ANXA6: variants seen among roughly 807,000 people sequenced by gnomAD.
ANXA6 encodes 67 kDa calelectrin.
A neutral mutation model predicts 95.4 loss-of-function variants in ANXA6; 71 were observed. That is an observed-to-expected ratio of 0.74 (90% confidence interval 0.61 to 0.91). The LOEUF (loss-of-function observed/expected upper bound fraction) is 0.91. Ranked by LOEUF, ANXA6 falls within the 40% of genes least tolerant of loss-of-function variation. The probability of loss-of-function intolerance (pLI) is 0.00; values close to 1 mark genes in which losing one functional copy is unlikely to be tolerated. For synonymous variants in ANXA6, 289 were observed against 315.9 expected, an observed-to-expected ratio of 0.91 and a Z score of 0.90; for missense variants, 830 against 876.4, an observed-to-expected ratio of 0.95 and a Z score of 0.67.
At chr5:151,134,356 CA>C in intron 8 of ANXA6, 70 bp downstream of exon 8, 3 of 1,521,062 alleles carry the variant, frequency 2.0e-6, no homozygotes. Flanking sequence ...CAGCCCTTCC[CA>C]GGGCCCCAAC....
intron 6 of ANXA6, 64 bp from the exon 7 acceptor site, chr5:151,136,399 C>T: frequency 2.8e-6 from 4 of 1,444,054 alleles, no homozygotes; most frequent in Non-Finnish European, 3.9e-6. Flanking sequence ...GGATAAAGGG[C>T]CCTGCTGCCC....
chr5:151,137,648 T>C (rs1765706320), intron 5 of ANXA6, among the ~76,000 whole-genome samples: 1 of 152,178 alleles, frequency 6.6e-6, no homozygotes, highest in African/African-American at 2.4e-5. Context: ...TCGTAAGTTC[T>C]TGTGAGATCT....
In ANXA6 at chr5:151,100,854, T is replaced by G. The variant is rs973352923; in HGVS notation, c.*594A>C. 2.9e-5 allele frequency: 13 copies of G among 455,830 alleles called. No homozygotes were observed. The East Asian group carries it at 7.7e-4, about 27-fold the overall frequency. The allele number at this position is 455,830 out of a possible 1,614,324, so 28.2% of individuals were successfully genotyped here. A position where few individuals can be genotyped will look rare whatever the true frequency, so the allele number is the denominator to read the frequency against. ...AACTGTCTCATTGTAGATAAGAAAA[T>G]AGAGACTCAGGGAGGGAAAGGGGCT... On this transcript the variant is annotated 3_prime_UTR_variant, in exon 26 of 26. Coordinates refer to ENST00000354546, the MANE Select transcript of ANXA6 (RefSeq NM_001155.5).
At position 151,129,413 on chromosome 5, in the gene ANXA6, C is replaced by A; in HGVS notation, c.912G>T (p.Met304Ile). The A allele has an allele frequency of 6.2e-7, 1 of 1,613,438 alleles. No homozygotes were observed. Among genetic ancestry groups the A allele is most frequent in the Non-Finnish European group, 8.5e-7 (1 of 1,179,850 alleles). The change falls in exon 12 of 26, where the codon ATG becomes ATT. Residue 304 changes from methionine to isoleucine, a missense_variant. Coordinates refer to ENST00000354546, the MANE Select transcript of ANXA6 (RefSeq NM_001155.5). Reference sequence around the variant, plus strand: ...CCCCATGAGCTCTGCTGACCTTGATCATGCTGTAGAGGGACTTCTCATACT... The same window carrying A: ...CCCCATGAGCTCTGCTGACCTTGATAATGCTGTAGAGGGACTTCTCATACT... The part of the protein sequence containing the change: ...RTKYEKSLYS[M>I]IKNDTSGEYK...
In ANXA6 at chr5:151,132,577, T is replaced by C; in HGVS notation, c.641-6A>G. The stretch of plus-strand genomic sequence containing the variant: ...CTTCAGATACTCATCGAACACTGCG[T>C]CAGACAGAGAGACAGGGAGGTTTGA... On this transcript the variant is annotated splice_region_variant and splice_polypyrimidine_tract_variant and intron_variant, in intron 9 of 25. Coordinates refer to ENST00000354546, the MANE Select transcript of ANXA6 (RefSeq NM_001155.5). 1 of 1,611,064 alleles carries C rather than the reference T, an allele frequency of 6.2e-7. No individual in the cohort carries two copies. Among genetic ancestry groups the C allele is most frequent in the Non-Finnish European group, 8.5e-7 (1 of 1,178,806 alleles).
rs1212581325 is a variant in ANXA6 at position 151,138,755 on chromosome 5, T to G, written c.241A>C (p.Lys81Gln). ...IADLKYELTG[K>Q]FERLIVGLMR... ...AGGCCCACAATCAACCGTTCAAACT[T>G]GCCCGTCAATTCATACTTTAAATCA... The change falls in exon 5 of 26, where the codon AAG becomes CAG. Residue 81 changes from lysine to glutamine, a missense_variant. Lys to Gln is a moderately conservative substitution (Grantham distance 53). Transcript: ENST00000354546. 6.2e-7 allele frequency: 1 copy of G among 1,613,842 alleles called. No individual in the cohort carries two copies. Among genetic ancestry groups the G allele is most frequent in the Non-Finnish European group, 8.5e-7 (1 of 1,179,860 alleles).
At chr5:151,112,956 G>A (rs975642071) in intron 20 of ANXA6, among the ~76,000 whole-genome samples, 4 of 152,222 alleles carry the variant, frequency 2.6e-5, no homozygotes, top group Non-Finnish European at 5.9e-5. Context: ...AAAGAATGGT[G>A]GTTGCCAGGG....
chr5:151,139,291 C>A, intron 4 of ANXA6, 62 bp downstream of exon 4: 1 of 1,238,102 alleles, frequency 8.1e-7, no homozygotes, highest in Non-Finnish European at 1.2e-6. Flanking sequence ...TGAACGAGCA[C>A]ACAGGTGAAT....
At position 151,134,412 on chromosome 5, in the gene ANXA6, G is replaced by A; in HGVS notation, c.546+15C>T. ...TTCTGCTGTGCCTCAGGGACTTTCA[G>A]TGGTGCTTGTTTACCTGGACATCCT... On this transcript the variant is annotated intron_variant, in intron 8 of 25. Coordinates refer to ENST00000354546, the MANE Select transcript of ANXA6 (RefSeq NM_001155.5). 6.2e-7 allele frequency: 1 copy of A among 1,613,764 alleles called. No individual in the cohort carries two copies. The highest frequency in any genetic ancestry group is 8.5e-7 in the Non-Finnish European group (1 of 1,179,792).
intron 2 of ANXA6, among the ~76,000 whole-genome samples, chr5:151,144,915 C>T (rs2113953090): frequency 6.6e-6 from 1 of 152,034 alleles, no homozygotes; most frequent in African/African-American, 2.4e-5. Context: ...CAGAGACAGC[C>T]CCTCAAATCA....
In ANXA6 at chr5:151,131,906, G is replaced by A. The variant is rs145687009; in HGVS notation, c.736+570C>T. The stretch of plus-strand genomic sequence containing the variant: ...CCCTGCACCCCACTTAACAGATGAG[G>A]AAACTGAGGTCCAGCAAGCAGAAGT... On this transcript the variant is annotated intron_variant, in intron 10 of 25. Coordinates refer to ENST00000354546, the MANE Select transcript of ANXA6 (RefSeq NM_001155.5). Among the ~76,000 whole-genome samples the A allele has an allele frequency of 5.8e-3, 881 of 152,236 alleles. 4 individuals are homozygous for A. Among genetic ancestry groups the A allele is most frequent in the Middle Eastern group, 0.014 (4 of 294 alleles).
intron 20 of ANXA6, among the ~76,000 whole-genome samples, chr5:151,112,715 T>C (rs113270304): frequency 1.3e-5 from 2 of 152,154 alleles, no homozygotes; most frequent in African/African-American, 4.8e-5. Context: ...TCCCAGCTAC[T>C]TGGGGGGCTG....
At chr5:151,102,306 G>A (rs1764571544) in intron 25 of ANXA6, among the ~76,000 whole-genome samples, 1 of 152,186 alleles carries the variant, frequency 6.6e-6, no homozygotes, top group Non-Finnish European at 1.5e-5. Context: ...GTAAGAGACT[G>A]CCTCTGAGAT....
At chr5:151,141,512 G>A (rs558630060) in intron 2 of ANXA6, 2 of 985,372 alleles carry the variant, frequency 2.0e-6, no homozygotes, top group Non-Finnish European at 2.4e-6. Context: ...GGGAATGGAG[G>A]GTGGGCCACA....
intron 10 of ANXA6, among the ~76,000 whole-genome samples, chr5:151,132,114 G>A (rs1450353422): frequency 1.3e-5 from 2 of 152,170 alleles, no homozygotes; most frequent in African/African-American, 4.8e-5. Context: ...CATGGCAGTG[G>A]CCACTGCTGG....
intron 19 of ANXA6, 139 bp from the exon 20 acceptor site, chr5:151,117,319 A>G (rs1044741371): frequency 1.3e-6 from 1 of 773,330 alleles, no homozygotes; most frequent in Non-Finnish European, 2.0e-6. Flanking sequence ...TCCTGCCTCT[A>G]TAAGGTAGGC....
At chr5:151,118,249 A>T (rs1420352798) in intron 18 of ANXA6, among the ~76,000 whole-genome samples, 2 of 148,736 alleles carry the variant, frequency 1.3e-5, no homozygotes, top group African/African-American at 5.0e-5. Context: ...CTTATAAGAT[A>T]AAAAATGTAA....
In ANXA6 at chr5:151,128,188, C is replaced by G. The variant is rs1765382908; in HGVS notation, c.970G>C (p.Asp324His). Residue 324 changes from aspartate to histidine, a missense_variant, in exon 13 of 26, where the codon GAT (aspartate) becomes CAT (histidine). By Grantham distance (81) the Asp-to-His change is moderately conservative. Transcript: ENST00000354546. Reference protein sequence around the residue: ...KKTLLKLSGGDDDAAGQFFPE... With the variant: ...KKTLLKLSGGHDDAAGQFFPE... Reference sequence around the variant, plus strand: ...GGCCAAGAAGCCACTTACTCATCATCTCCCCCAGACAGCTTCAGCAGAGTC... The same window carrying G: ...GGCCAAGAAGCCACTTACTCATCATGTCCCCCAGACAGCTTCAGCAGAGTC... 2.5e-6 allele frequency: 4 copies of G among 1,612,250 alleles called. No individual in the cohort carries two copies. In the South Asian group the frequency reaches 4.4e-5, roughly 18 times the overall value.
At chr5:151,122,459 C>G (rs569082529) in intron 16 of ANXA6, among the ~76,000 whole-genome samples, 199 bp from the exon 17 acceptor site, 1 of 152,312 alleles carries the variant, frequency 6.6e-6, no homozygotes, top group South Asian at 2.1e-4. Flanking sequence ...AAGACCCACT[C>G]TCCTTGACAC....
Sources: gnomAD v4.1 joint callset for allele counts (sites outside exome capture counted in the v4.1 genomes callset) on GRCh38, gnomAD v4.1.1 for gene constraint, MANE v1.5 for transcripts, NCBI Gene and HGNC (gene_info 2026-07-23, HGNC 2026-07-21) for gene names.